The following CWC27 variants were observed in gnomAD, a reference collection of about 807,000 sequenced individuals.
The protein encoded by CWC27 is spliceosome-associated protein CWC27 homolog.
Under a neutral mutation model 63.6 loss-of-function variants are expected in CWC27, and 47 were observed. The observed-to-expected ratio is 0.74, with a 90% CI of 0.58 to 0.94. CWC27 has a LOEUF of 0.94. CWC27 is among the 40% of genes least tolerant of loss of function. The pLI, the probability that CWC27 is intolerant of heterozygous loss-of-function variation, is 0.00. For missense variants in CWC27, 495 were observed against 554.3 expected, an observed-to-expected ratio of 0.89 and a Z score of 1.07; for synonymous variants, 175 against 179.8, an observed-to-expected ratio of 0.97 and a Z score of 0.22.
intron 10 of CWC27, among the ~76,000 whole-genome samples, chr5:64,844,365 C>T (rs566334359): frequency 2.6e-5 from 4 of 152,242 alleles, no homozygotes; most frequent in Middle Eastern, 3.4e-3. Flanking sequence ...CAGATACCAG[C>T]CAACCTCATA....
intron 11 of CWC27, among the ~76,000 whole-genome samples, chr5:64,896,352 A>G (rs1747374391): frequency 6.6e-6 from 1 of 152,212 alleles, no homozygotes; most frequent in Non-Finnish European, 1.5e-5. Context: ...TATAATACAA[A>G]GAGTTAGGAA....
intron 11 of CWC27, among the ~76,000 whole-genome samples, chr5:64,946,031 A>G (rs1280956927): frequency 6.6e-6 from 1 of 152,146 alleles, no homozygotes; most frequent in Non-Finnish European, 1.5e-5. Context: ...TTGCTTTGCT[A>G]TCAGATTTCT....
intron 10 of CWC27, among the ~76,000 whole-genome samples, chr5:64,834,396 G>A (rs942122933): frequency 6.6e-6 from 1 of 151,342 alleles, no homozygotes; most frequent in Non-Finnish European, 1.5e-5. Flanking sequence ...TTTAAACTAA[G>A]GGAACTTTGA....
intron 10 of CWC27, among the ~76,000 whole-genome samples, chr5:64,879,510 AT>A (rs1486640082): frequency 6.6e-6 from 1 of 151,944 alleles, no homozygotes; most frequent in Non-Finnish European, 1.5e-5. Context: ...CAGAGAAAGA[AT>A]ATCAAAGAGG....
chr5:64,953,749 T>C (rs1748753041), intron 11 of CWC27, among the ~76,000 whole-genome samples: 1 of 152,222 alleles, frequency 6.6e-6, no homozygotes, highest in African/African-American at 2.4e-5. Context: ...TCAGGGACTT[T>C]TATTTAACAA....
chr5:64,848,336 A>T (rs1419946429), intron 10 of CWC27, among the ~76,000 whole-genome samples: 3 of 152,156 alleles, frequency 2.0e-5, no homozygotes, highest in Admixed American at 6.5e-5. Flanking sequence ...AGCAGATTGA[A>T]TTAGTAATTC....
chr5:64,968,227 A>G (rs935316583), intron 11 of CWC27, among the ~76,000 whole-genome samples: 18 of 152,122 alleles, frequency 1.2e-4, no homozygotes, highest in African/African-American at 4.3e-4. Flanking sequence ...AAATGACAAT[A>G]CCGATATATT....
At chr5:64,827,625 A>T (rs577126218) in intron 10 of CWC27, among the ~76,000 whole-genome samples, 2 of 152,318 alleles carry the variant, frequency 1.3e-5, no homozygotes, top group South Asian at 4.1e-4. Flanking sequence ...CAGCTATTTT[A>T]CCAGATTGTT....
chr5:64,874,007 G>T (rs1424295545), intron 10 of CWC27, among the ~76,000 whole-genome samples: 2 of 151,932 alleles, frequency 1.3e-5, no homozygotes, highest in Non-Finnish European at 2.9e-5. Flanking sequence ...CACATGTTTT[G>T]TCAATTTATG....
intron 10 of CWC27, among the ~76,000 whole-genome samples, chr5:64,834,047 TG>T (rs766271772): frequency 3.3e-5 from 5 of 151,056 alleles, no homozygotes; most frequent in Non-Finnish European, 7.4e-5. Context: ...AAATCAGCTG[TG>T]AATTGTTTTA....
chr5:64,905,689 A>G lies in CWC27; in HGVS notation c.1042+20143A>G, dbSNP rs72756901. Among the ~76,000 whole-genome samples, 576 of 152,212 alleles carry G rather than the reference A, an allele frequency of 3.8e-3. 3 individuals are homozygous for G. The highest frequency in any genetic ancestry group is 5.6e-3 in the Non-Finnish European group (384 of 67,982). On this transcript the variant is annotated intron_variant, in intron 11 of 13. Coordinates refer to ENST00000381070, the MANE Select transcript of CWC27 (RefSeq NM_005869.4). ...ATGTAGCACTGAAATTCTTTATATT[A>G]TTATTACACTTTAAGTTCTAGGGTA... is the stretch of plus-strand genomic sequence containing the variant.
chr5:64,854,844 A>AT (rs954552642), intron 10 of CWC27, among the ~76,000 whole-genome samples: 2 of 151,660 alleles, frequency 1.3e-5, no homozygotes, highest in Admixed American at 1.3e-4. Flanking sequence ...GATTCTAGGA[A>AT]TTTTTTTTTA....
intron 2 of CWC27, among the ~76,000 whole-genome samples, chr5:64,781,654 C>T (rs1743696052): frequency 6.6e-6 from 1 of 152,196 alleles, no homozygotes; most frequent in African/African-American, 2.4e-5. Context: ...CCTATCAGAA[C>T]TCTCTAATTT....
At chr5:64,866,520 T>C (rs1043556883) in intron 10 of CWC27, among the ~76,000 whole-genome samples, 1 of 152,110 alleles carries the variant, frequency 6.6e-6, no homozygotes, top group Non-Finnish European at 1.5e-5. Context: ...CCTTCTTCTT[T>C]TTTAACATAG....
intron 10 of CWC27, among the ~76,000 whole-genome samples, chr5:64,868,742 C>CT (rs1017474805): frequency 2.6e-5 from 4 of 151,576 alleles, no homozygotes; most frequent in African/African-American, 4.8e-5. Flanking sequence ...GCCAATAAAA[C>CT]TTTTTTTTTG....
intron 9 of CWC27, among the ~76,000 whole-genome samples, chr5:64,804,015 T>A (rs1254060594): frequency 6.6e-6 from 1 of 151,964 alleles, no homozygotes; most frequent in East Asian, 1.9e-4. Context: ...TCCTGGGGTA[T>A]CCCATAATTA....
intron 11 of CWC27, among the ~76,000 whole-genome samples, chr5:64,963,035 G>A (rs6449767): frequency 0.45 from 69,112 of 151,910 alleles, 15,891 homozygotes; most frequent in African/African-American, 0.5. Flanking sequence ...GCTCACTACA[G>A]CCTCCACCTC....
Position 64,813,181 on chromosome 5 carries a change from A to G in CWC27, c.938+8795A>G, listed in dbSNP as rs570544578. ...GTTATGGTTAAAATTTTGGAATAGT[A>G]TTAATTGTAATAGAAACCATACTAT... On this transcript the variant is annotated intron_variant, in intron 10 of 13. Transcript: ENST00000381070. Among the ~76,000 whole-genome samples, 5 of 152,270 alleles carry G rather than the reference A, an allele frequency of 3.3e-5. No individual in the cohort carries two copies. The East Asian group carries it at 9.6e-4, about 29-fold the overall frequency.
chr5:64,858,386 C>A (rs921074111), intron 10 of CWC27, among the ~76,000 whole-genome samples: 1 of 150,012 alleles, frequency 6.7e-6, no homozygotes, highest in Admixed American at 6.7e-5. Flanking sequence ...GGCATGAACC[C>A]GGGAGGCGGA....
Sources: allele counts gnomAD v4.1 joint callset (sites outside exome capture counted in the v4.1 genomes callset), GRCh38; gene constraint gnomAD v4.1.1; transcripts MANE v1.5; gene names NCBI Gene and HGNC (gene_info 2026-07-23, HGNC 2026-07-21).